The following FBN2 variants were observed in gnomAD, a reference collection of about 807,000 sequenced individuals.
FBN2 encodes the protein fibrillin-2.
Under a neutral mutation model 355.6 loss-of-function variants are expected in FBN2, and 105 were observed. The ratio of observed to expected loss-of-function variants is 0.30; its 90% CI spans 0.25 to 0.35. The LOEUF is 0.35. FBN2 is among the 10% of genes least tolerant of loss of function. The pLI, the probability that FBN2 is intolerant of heterozygous loss-of-function variation, is 1.00. For synonymous variants in FBN2, 1,350 were observed against 1,301.2 expected, an observed-to-expected ratio of 1.04 and a Z score of -0.81; for missense variants, 3,280 against 3,758.7, an observed-to-expected ratio of 0.87 and a Z score of 3.33.
At chr5:128,376,879 G>T in intron 13 of FBN2, 26 bp from the exon 14 acceptor site, 2 of 1,611,918 alleles carry the variant, frequency 1.2e-6, no homozygotes, top group South Asian at 2.2e-5. Context: ...GAGTGACTTT[G>T]AACACTGGCC....
At chr5:128,404,425 G>A (rs1752875474) in intron 8 of FBN2, among the ~76,000 whole-genome samples, 1 of 152,182 alleles carries the variant, frequency 6.6e-6, no homozygotes, top group South Asian at 2.1e-4. Context: ...ATAGTGAAAT[G>A]AATGGGACTC....
chr5:128,534,407 G>A (rs1756792140), intron 2 of FBN2, among the ~76,000 whole-genome samples: 1 of 152,266 alleles, frequency 6.6e-6, no homozygotes, highest in East Asian at 1.9e-4. Context: ...AGCATTAAAT[G>A]AGACTCATGC....
chr5:128,338,912 G>A (rs1581226804), intron 26 of FBN2, 21 bp downstream of exon 26: 6 of 1,613,196 alleles, frequency 3.7e-6, no homozygotes, highest in Non-Finnish European at 5.1e-6. Flanking sequence ...AAGCTGGCGA[G>A]GAAGAGCTCA....
intron 7 of FBN2, among the ~76,000 whole-genome samples, chr5:128,426,820 G>A (rs1753494616): frequency 6.6e-6 from 1 of 152,106 alleles, no homozygotes; most frequent in Admixed American, 6.5e-5. Flanking sequence ...TACTAGGAAC[G>A]AAGATCTTTC....
At chr5:128,283,300 C>A (rs866358783) in intron 55 of FBN2, among the ~76,000 whole-genome samples, 16 of 152,184 alleles carry the variant, frequency 1.1e-4, no homozygotes, top group African/African-American at 3.4e-4. Context: ...ACTTTCAGAA[C>A]AAAATTTCTG....
chr5:128,335,703 T>C lies in FBN2; in HGVS notation c.3725-126A>G, dbSNP rs1750816931. 5 of 1,160,808 alleles carry C rather than the reference T, an allele frequency of 4.3e-6. No individual in the cohort carries two copies. In the African/African-American group the frequency reaches 7.6e-5, roughly 18 times the overall value. The allele number at this position is 1,160,808 out of a possible 1,614,324, so 71.9% of individuals were successfully genotyped here. On this transcript the variant is annotated intron_variant, in intron 28 of 64. Transcript: ENST00000262464. ...CCCCACTATGTGTGTTGATTGAACA[T>C]TATCTTTCTTAGTTCTTTCACCTTC...
intron 8 of FBN2, among the ~76,000 whole-genome samples, chr5:128,404,854 A>G (rs919907993): frequency 6.6e-6 from 1 of 152,194 alleles, no homozygotes. Flanking sequence ...AAGAAAATGT[A>G]GTTTAGGTGA....
At chr5:128,412,690 C>T (rs905340692) in intron 7 of FBN2, among the ~76,000 whole-genome samples, 9 of 152,190 alleles carry the variant, frequency 5.9e-5, no homozygotes, top group South Asian at 2.1e-4. Context: ...ATAAGCTTAG[C>T]TAGTTAGGCA....
At chr5:128,532,379 A>G (rs1690473239) in intron 2 of FBN2, among the ~76,000 whole-genome samples, 2 of 152,196 alleles carry the variant, frequency 1.3e-5, no homozygotes. Context: ...CTGACACAAT[A>G]CATTCCACAG....
At chr5:128,493,403 T>C (rs1425454477) in intron 5 of FBN2, among the ~76,000 whole-genome samples, 1 of 152,144 alleles carries the variant, frequency 6.6e-6, no homozygotes. Flanking sequence ...ATAATAATAA[T>C]GATGATAACA....
At chr5:128,455,930 G>A (rs1754371587) in intron 6 of FBN2, among the ~76,000 whole-genome samples, 1 of 134,656 alleles carries the variant, frequency 7.4e-6, no homozygotes, top group Non-Finnish European at 1.5e-5. Flanking sequence ...GTGGCGACCA[G>A]CTCCAGCTGC....
Position 128,274,575 on chromosome 5 carries a change from G to A in FBN2, c.7703C>T (p.Ala2568Val). The A allele has an allele frequency of 6.3e-7, 1 of 1,584,820 alleles. No homozygotes were observed. The highest frequency in any genetic ancestry group is 1.1e-5 in the South Asian group (1 of 90,524). ...CPPGFTQHHT[A>V]CIDNNECGSQ... ...TTGTAACTTTGTCTTACCGATACAAGCAGTGTGATGCTGTGTGAAACCAGG... is the reference window on the plus strand; with the variant it reads ...TTGTAACTTTGTCTTACCGATACAAACAGTGTGATGCTGTGTGAAACCAGG... The change falls in exon 60 of 65, where the codon GCT (alanine) becomes GTT (valine). Residue 2568 changes from alanine to valine, a missense_variant. Physicochemically the swap from Ala to Val is moderately conservative, Grantham distance 64 (BLOSUM62 0). Around this residue, in one of 6 missense-constraint regions of FBN2, gnomAD observed 2,284 missense variants for 2,749.5 expected, o/e 0.83. Transcript: ENST00000262464.
At chr5:128,328,419 T>TA (rs1750610323) in intron 34 of FBN2, 2 of 603,036 alleles carry the variant, frequency 3.3e-6, no homozygotes, top group South Asian at 2.0e-5. Flanking sequence ...CATTTAGTGA[T>TA]AAAAAAGAGA....
chr5:128,320,037 A>G (rs17164179), intron 34 of FBN2, among the ~76,000 whole-genome samples: 7,208 of 152,234 alleles, frequency 0.047, 567 homozygotes, highest in African/African-American at 0.16. Context: ...ACTATTTTAG[A>G]TTTAAGGTAT....
At chr5:128,312,904 A>G (rs1044692568) in intron 36 of FBN2, 109 bp from the exon 37 acceptor site, 1 of 1,230,694 alleles carries the variant, frequency 8.1e-7, no homozygotes, top group Non-Finnish European at 1.2e-6. Context: ...CGTTAACATG[A>G]AAGGTTCCTT....
At chr5:128,415,898 C>T (rs1753182101) in intron 7 of FBN2, among the ~76,000 whole-genome samples, 1 of 152,092 alleles carries the variant, frequency 6.6e-6, no homozygotes, top group South Asian at 2.1e-4. Flanking sequence ...GTGATTTTAA[C>T]TGGAATAAGA....
chr5:128,408,427 CT>C (rs1181606295), intron 8 of FBN2, among the ~76,000 whole-genome samples: 1 of 152,102 alleles, frequency 6.6e-6, no homozygotes, highest in African/African-American at 2.4e-5. Flanking sequence ...TTTCTCGTGC[CT>C]TTGTGTCTTT....
At position 128,259,753 on chromosome 5, in the gene FBN2, G is replaced by C. The variant is rs756455915; in HGVS notation, c.8441C>G (p.Ser2814Cys). Residue 2814 changes from serine to cysteine, a missense_variant, in exon 65 of 65, where the codon TCT (serine) becomes TGT (cysteine). Physicochemically the swap from Ser to Cys is moderately radical, Grantham distance 112. Around this residue, in one of 6 missense-constraint regions of FBN2, gnomAD observed 311 missense variants for 319.1 expected, o/e 0.97. Transcript: ENST00000262464. Reference protein sequence around the residue: ...NMKFNLSHLGSKEHILELRPA... With the variant: ...NMKFNLSHLGCKEHILELRPA... ...CCTTAGTTCCAGGATGTGCTCCTTA[G>C]AGCCGAGGTGGGAGAGGTTGAACTT... 1.2e-6 allele frequency: 2 copies of C among 1,613,910 alleles called. No homozygotes were observed. Among genetic ancestry groups the C allele is most frequent in the South Asian group, 1.1e-5 (1 of 91,064 alleles).
At position 128,259,716 on chromosome 5, in the gene FBN2, C is replaced by T; in HGVS notation, c.8478G>A (p.Gln2826=). Residue 2826 remains glutamine, a synonymous_variant, in exon 65 of 65, where the codon CAG becomes CAA. Coordinates refer to ENST00000262464, the MANE Select transcript of FBN2 (RefSeq NM_001999.4). ...EHILELRPAI[Q]PLNNHIRYVI... ...CATAACGGATGTGGTTGTTGAGGGGCTGGATGGCGGGCCTTAGTTCCAGGA... is the reference window on the plus strand; with the variant it reads ...CATAACGGATGTGGTTGTTGAGGGGTTGGATGGCGGGCCTTAGTTCCAGGA... 6.2e-7 allele frequency: 1 copy of T among 1,613,802 alleles called. No individual in the cohort carries two copies. Among genetic ancestry groups the T allele is most frequent in the Non-Finnish European group, 8.5e-7 (1 of 1,179,926 alleles).
Sources: gnomAD v4.1 joint callset for allele counts (sites outside exome capture counted in the v4.1 genomes callset) on GRCh38, gnomAD v4.1.1 for gene constraint, gnomAD v4.1.1 regional missense constraint, MANE v1.5 for transcripts, NCBI Gene and HGNC (gene_info 2026-07-23, HGNC 2026-07-21) for gene names.